RREB1: variants seen among roughly 807,000 people sequenced by gnomAD.
The protein encoded by RREB1 is ras-responsive element-binding protein 1.
RREB1 carries 27 observed loss-of-function variants against 117.8 expected under a neutral mutation model. That is an observed-to-expected ratio of 0.23 (90% CI 0.17 to 0.32). RREB1 has a LOEUF of 0.32. Among genes scored for constraint, RREB1 ranks in the 10% least tolerant of loss-of-function variants. The pLI, the probability that RREB1 is intolerant of heterozygous loss-of-function variation, is 1.00. For synonymous variants in RREB1, 1,298 were observed against 1,026.7 expected, an observed-to-expected ratio of 1.26 and a Z score of -5.05; for missense variants, 2,577 against 2,378.2, an observed-to-expected ratio of 1.08 and a Z score of -1.74.
intron 8 of RREB1, chr6:7,218,006 T>C (rs1298900027): frequency 6.6e-6 from 1 of 152,246 alleles, no homozygotes; most frequent in Non-Finnish European, 1.5e-5. Context: ...GTTTGAGTCT[T>C]GCTTCCCACG....
chr6:7,117,859 G>A (rs1300837092), intron 1 of RREB1, among the ~76,000 whole-genome samples: 2 of 152,090 alleles, frequency 1.3e-5, no homozygotes, highest in Admixed American at 6.5e-5. Context: ...TTACAGGTAT[G>A]AGGTATGAGC....
At chr6:7,146,118 C>A (rs1295123968) in intron 1 of RREB1, among the ~76,000 whole-genome samples, 3 of 151,968 alleles carry the variant, frequency 2.0e-5, no homozygotes, top group East Asian at 1.9e-4. Flanking sequence ...CACACAGATA[C>A]ACACACACAC....
intron 10 of RREB1, among the ~76,000 whole-genome samples, chr6:7,238,437 G>A (rs1484364508): frequency 1.3e-5 from 2 of 152,006 alleles, no homozygotes; most frequent in African/African-American, 2.4e-5. Context: ...GGGTTTCACC[G>A]TATTGGCCAG....
At chr6:7,241,512 G>GT (rs1768704653) in intron 11 of RREB1, among the ~76,000 whole-genome samples, 1 of 152,150 alleles carries the variant, frequency 6.6e-6, no homozygotes, top group Non-Finnish European at 1.5e-5. Flanking sequence ...CCCCAGCTGT[G>GT]TTTTTTTAGG....
chr6:7,248,182 C>G (rs1012967250), intron 12 of RREB1, among the ~76,000 whole-genome samples: 2 of 152,356 alleles, frequency 1.3e-5, no homozygotes, highest in Non-Finnish European at 1.5e-5. Flanking sequence ...TCCTGTCCCC[C>G]TCTAGATTCC....
rs1769265526 is a variant in RREB1 at position 7,248,758 on chromosome 6, G to A, written c.5019G>A (p.Arg1673=). 8 of 1,614,106 alleles carry A rather than the reference G, an allele frequency of 5.0e-6. No individual in the cohort carries two copies. The highest frequency in any genetic ancestry group is 5.9e-6 in the Non-Finnish European group (7 of 1,180,018). The part of the protein sequence containing the change: ...ASNHMAVTRS[R]KEGLASATKD... ...ACCACATGGCTGTCACCCGGAGCCGGAAGGAGGGCTTGGCCAGTGCCACCA... is the reference window on the plus strand; with the variant it reads ...ACCACATGGCTGTCACCCGGAGCCGAAAGGAGGGCTTGGCCAGTGCCACCA... Residue 1673 remains arginine, a synonymous_variant, in exon 13 of 13, where the codon CGG becomes CGA. Coordinates refer to ENST00000379938, the MANE Select transcript of RREB1 (RefSeq NM_001003699.4).
chr6:7,217,953 C>T (rs1047697493), intron 8 of RREB1: 4 of 152,090 alleles, frequency 2.6e-5, no homozygotes, highest in South Asian at 2.1e-4. Flanking sequence ...ATCTAGTTTT[C>T]GCTTTTGTAA....
intron 1 of RREB1, among the ~76,000 whole-genome samples, chr6:7,145,726 G>A (rs1762824835): frequency 6.6e-6 from 1 of 151,512 alleles, no homozygotes; most frequent in Admixed American, 6.6e-5. Flanking sequence ...CCAGTGAAAT[G>A]TCAGCCCCAG....
At chr6:7,128,527 A>C (rs1488311839) in intron 1 of RREB1, among the ~76,000 whole-genome samples, 1 of 152,200 alleles carries the variant, frequency 6.6e-6, no homozygotes, top group Non-Finnish European at 1.5e-5. Flanking sequence ...AAAGACAGGA[A>C]ACTGAGGCTT....
chr6:7,158,223 CTCT>C (rs1763476161), intron 1 of RREB1, among the ~76,000 whole-genome samples: 3 of 152,242 alleles, frequency 2.0e-5, no homozygotes, highest in Admixed American at 2.0e-4. Flanking sequence ...CAGAGCGACT[CTCT>C]TCCTTTCTGC....
intron 1 of RREB1, among the ~76,000 whole-genome samples, chr6:7,134,668 G>A (rs1340345414): frequency 1.3e-5 from 2 of 152,044 alleles, no homozygotes; most frequent in African/African-American, 4.8e-5. Context: ...CAAAATAATT[G>A]TACATATATG....
At chr6:7,118,212 T>C (rs1019798521) in intron 1 of RREB1, among the ~76,000 whole-genome samples, 13 of 152,178 alleles carry the variant, frequency 8.5e-5, no homozygotes, top group African/African-American at 3.1e-4. Context: ...CCTCCACATC[T>C]TGGATTCAAG....
intron 6 of RREB1, among the ~76,000 whole-genome samples, chr6:7,199,708 G>C (rs1765847279): frequency 6.6e-6 from 1 of 151,900 alleles, no homozygotes; most frequent in Admixed American, 6.6e-5. Flanking sequence ...CTGTCTCCCA[G>C]GGTGGAGTGC....
Position 7,231,845 on chromosome 6 carries a change from C to G in RREB1, c.3746C>G (p.Pro1249Arg). Reference protein sequence around the residue: ...YTNCLQKITCPHCPRVFPWAS... With the variant: ...YTNCLQKITCRHCPRVFPWAS... The stretch of plus-strand genomic sequence containing the variant: ...AACTGCCTGCAGAAGATCACCTGTC[C>G]CCACTGTCCCCGGGTTTTCCCTTGG... Residue 1249 changes from proline to arginine, a missense_variant, in exon 10 of 13, where the codon CCC becomes CGC. Pro to Arg is a moderately radical substitution (Grantham distance 103, BLOSUM62 -2). Coordinates refer to ENST00000379938, the MANE Select transcript of RREB1 (RefSeq NM_001003699.4). 3 of 1,613,564 alleles carry G rather than the reference C, an allele frequency of 1.9e-6. No individual in the cohort carries two copies. The highest frequency in any genetic ancestry group is 2.5e-6 in the Non-Finnish European group (3 of 1,179,952).
chr6:7,187,558 T>TTATTG, intron 5 of RREB1, 35 bp downstream of exon 5: 2 of 765,232 alleles, frequency 2.6e-6, no homozygotes, highest in Non-Finnish European at 3.6e-6. Context: ...TTATTTTATT[T>TTATTG]TATTTTATTT....
At chr6:7,127,661 C>T (rs1761995967) in intron 1 of RREB1, among the ~76,000 whole-genome samples, 1 of 152,162 alleles carries the variant, frequency 6.6e-6, no homozygotes, top group East Asian at 1.9e-4. Context: ...GGAGTGACTG[C>T]AGGGTGGGAT....
intron 8 of RREB1, chr6:7,215,894 C>CCT (rs1472751298): frequency 6.6e-6 from 1 of 152,206 alleles, no homozygotes; most frequent in Non-Finnish European, 1.5e-5. Context: ...TTCAGATGAG[C>CCT]CACCTACGGC....
At chr6:7,243,614 G>C (rs1768838536) in intron 11 of RREB1, among the ~76,000 whole-genome samples, 1 of 152,098 alleles carries the variant, frequency 6.6e-6, no homozygotes, top group Non-Finnish European at 1.5e-5. Context: ...AAAATCAGTT[G>C]TTTAGAATGT....
intron 1 of RREB1, among the ~76,000 whole-genome samples, chr6:7,174,679 G>C (rs1223587283): frequency 6.6e-6 from 1 of 152,202 alleles, no homozygotes; most frequent in Non-Finnish European, 1.5e-5. Flanking sequence ...CACAATCTCA[G>C]CTCACTGCAA....
Sources: gnomAD v4.1 joint callset for allele counts (sites outside exome capture counted in the v4.1 genomes callset) on GRCh38, gnomAD v4.1.1 for gene constraint, MANE v1.5 for transcripts, NCBI Gene and HGNC (gene_info 2026-07-23, HGNC 2026-07-21) for gene names.